The following DEPTOR variants were observed in gnomAD, a reference collection of about 807,000 sequenced individuals.
DEPTOR encodes DEP domain-containing mTOR-interacting protein.
In DEPTOR, 41 loss-of-function variants were observed where a neutral mutation model predicts 41.6. The ratio of observed to expected loss-of-function variants is 0.98; its 90% CI spans 0.77 to 1.28. DEPTOR has a LOEUF of 1.28. Ranked by LOEUF, DEPTOR falls within the 50% of genes most tolerant of loss-of-function variation. The pLI is 0.00. For missense variants in DEPTOR, 514 were observed against 527.9 expected (o/e 0.97, Z 0.26); for synonymous variants, 195 against 192.3 (o/e 1.01, Z -0.12).
intron 4 of DEPTOR, among the ~76,000 whole-genome samples, chr8:119,981,046 C>T (rs1828760945): frequency 6.6e-6 from 1 of 152,160 alleles, no homozygotes; most frequent in South Asian, 2.1e-4. Flanking sequence ...ATTAGGAAGT[C>T]ACCCAAAGAA....
chr8:119,900,704 CT>C (rs1310743589), intron 1 of DEPTOR, among the ~76,000 whole-genome samples: 1 of 151,378 alleles, frequency 6.6e-6, no homozygotes, highest in Non-Finnish European at 1.5e-5. Context: ...ACTTTTTTTT[CT>C]TTTCTAAAAG....
At chr8:119,909,958 A>G (rs976676117) in intron 1 of DEPTOR, among the ~76,000 whole-genome samples, 2 of 152,218 alleles carry the variant, frequency 1.3e-5, no homozygotes, top group African/African-American at 4.8e-5. Context: ...TGGAGCTACC[A>G]CCTAAAGTCT....
chr8:120,038,882 C>T, intron 8 of DEPTOR, among the ~76,000 whole-genome samples: 1 of 152,026 alleles, frequency 6.6e-6, no homozygotes, highest in Non-Finnish European at 1.5e-5. Flanking sequence ...AATAATAGGA[C>T]CTGCGTTGGG....
chr8:119,934,173 G>A (rs763572250), intron 3 of DEPTOR, among the ~76,000 whole-genome samples: 3 of 151,898 alleles, frequency 2.0e-5, no homozygotes, highest in Non-Finnish European at 2.9e-5. Context: ...GAGCCACTGC[G>A]CCCGGCCTGG....
chr8:120,028,847 G>A (rs1025182731), intron 8 of DEPTOR, among the ~76,000 whole-genome samples: 3 of 151,942 alleles, frequency 2.0e-5, no homozygotes, highest in African/African-American at 7.2e-5. Flanking sequence ...CATTTTGGGA[G>A]GCCGAGGCAG....
intron 1 of DEPTOR, among the ~76,000 whole-genome samples, chr8:119,878,478 C>T (rs947775752): frequency 6.6e-6 from 1 of 151,828 alleles, no homozygotes; most frequent in Non-Finnish European, 1.5e-5. Flanking sequence ...TGCCACCACA[C>T]CCAGTTAATT....
chr8:119,882,014 C>T (rs996566644), intron 1 of DEPTOR, among the ~76,000 whole-genome samples: 2 of 152,188 alleles, frequency 1.3e-5, no homozygotes, highest in Non-Finnish European at 2.9e-5. Context: ...CCTCAGCGTC[C>T]TGAGTAGCTG....
At chr8:119,987,478 C>A (rs1173238574) in intron 4 of DEPTOR, among the ~76,000 whole-genome samples, 2 of 152,214 alleles carry the variant, frequency 1.3e-5, no homozygotes, top group African/African-American at 4.8e-5. Flanking sequence ...CCCCTGCTGG[C>A]ATATGTCTCC....
chr8:119,983,484 A>C (rs1315009206), intron 4 of DEPTOR, among the ~76,000 whole-genome samples: 2 of 152,120 alleles, frequency 1.3e-5, no homozygotes, highest in Non-Finnish European at 2.9e-5. Flanking sequence ...TTCCAGGTTC[A>C]AGCGATTCTC....
At chr8:120,002,233 G>A (rs539839305) in intron 5 of DEPTOR, among the ~76,000 whole-genome samples, 8 of 152,216 alleles carry the variant, frequency 5.3e-5, no homozygotes, top group African/African-American at 1.4e-4. Flanking sequence ...TCTGTCTCCC[G>A]GGTTCAAGAG....
intron 8 of DEPTOR, among the ~76,000 whole-genome samples, chr8:120,022,492 T>A (rs1163732119): frequency 6.6e-6 from 1 of 152,106 alleles, no homozygotes; most frequent in Admixed American, 6.6e-5. Context: ...TTGTGTTGGA[T>A]CCTTAAAGAC....
chr8:119,996,182 G>A (rs540629795), intron 4 of DEPTOR, among the ~76,000 whole-genome samples: 1 of 152,128 alleles, frequency 6.6e-6, no homozygotes, highest in African/African-American at 2.4e-5. Context: ...TGAGACACTC[G>A]GATCCAAATC....
At chr8:119,937,177 G>A (rs958128101) in intron 3 of DEPTOR, among the ~76,000 whole-genome samples, 21 of 152,102 alleles carry the variant, frequency 1.4e-4, no homozygotes, top group African/African-American at 4.1e-4. Context: ...CGAGGCAGGC[G>A]GATCACGAGG....
intron 4 of DEPTOR, among the ~76,000 whole-genome samples, chr8:119,993,977 T>C (rs956964393): frequency 6.6e-6 from 1 of 151,782 alleles, no homozygotes; most frequent in East Asian, 1.9e-4. Flanking sequence ...GCTAACACGG[T>C]GAAAACCCAT....
intron 4 of DEPTOR, 54 bp downstream of exon 4, chr8:119,965,464 TG>T: frequency 1.3e-6 from 2 of 1,583,882 alleles, no homozygotes; most frequent in Admixed American, 1.8e-5. Context: ...CCCCAAATCT[TG>T]TGTCTTACAA....
intron 1 of DEPTOR, among the ~76,000 whole-genome samples, chr8:119,890,116 C>T (rs981362153): frequency 6.6e-6 from 1 of 151,948 alleles, no homozygotes; most frequent in Non-Finnish European, 1.5e-5. Context: ...GGGCATGGGC[C>T]GCTACACCCA....
intron 3 of DEPTOR, among the ~76,000 whole-genome samples, chr8:119,948,149 A>G (rs1356310652): frequency 6.6e-6 from 1 of 152,150 alleles, no homozygotes; most frequent in Non-Finnish European, 1.5e-5. Flanking sequence ...TGTCTTGCAC[A>G]TAGGTTTTTT....
intron 7 of DEPTOR, 40 bp downstream of exon 7, chr8:120,006,915 T>C (rs773992239): frequency 1.3e-6 from 2 of 1,593,550 alleles, no homozygotes; most frequent in Non-Finnish European, 1.7e-6. Context: ...GTGCTGCCCA[T>C]TTTTCTGCAC....
At chr8:119,937,243 T>C (rs1443023641) in intron 3 of DEPTOR, among the ~76,000 whole-genome samples, 1 of 151,672 alleles carries the variant, frequency 6.6e-6, no homozygotes, top group African/African-American at 2.4e-5. Context: ...CTACTAAAAA[T>C]ACCAAAATTA....
Sources: gnomAD v4.1 joint callset for allele counts (sites outside exome capture counted in the v4.1 genomes callset) on GRCh38, gnomAD v4.1.1 for gene constraint, MANE v1.5 for transcripts, NCBI Gene and HGNC (gene_info 2026-07-23, HGNC 2026-07-21) for gene names.